Variants in GALNT13 observed in about 807,000 individuals in gnomAD.
GALNT13 encodes the protein polypeptide N-acetylgalactosaminyltransferase 13.
In GALNT13, 28 loss-of-function variants were observed where a neutral mutation model predicts 64.2. The ratio of observed to expected loss-of-function variants is 0.44; its 90% CI spans 0.32 to 0.60. The LOEUF (loss-of-function observed/expected upper bound fraction) is 0.60. Among genes scored for constraint, GALNT13 ranks in the 20% least tolerant of loss-of-function variants. The probability of loss-of-function intolerance (pLI) is 0.05; values close to 1 mark genes in which losing one functional copy is unlikely to be tolerated. For synonymous variants in GALNT13, 214 were observed against 224.6 expected (o/e 0.95, Z 0.42); for missense variants, 577 against 669.8 (o/e 0.86, Z 1.53).
chr2:153,138,321 A>T, the GALNT13 span, among the ~76,000 whole-genome samples: 4 of 151,996 alleles, frequency 2.6e-5, no homozygotes, highest in African/African-American at 9.7e-5. Context: ...CTGATTTAAA[A>T]CTTCACTTTA....
At chr2:154,047,985 G>T (rs1699372760) in intron 3 of GALNT13, among the ~76,000 whole-genome samples, 1 of 152,144 alleles carries the variant, frequency 6.6e-6, no homozygotes, top group Non-Finnish European at 1.5e-5. Context: ...GCTAGAGGCT[G>T]GGTAATTTAT....
At chr2:154,280,608 C>T (rs1691911981) in intron 8 of GALNT13, among the ~76,000 whole-genome samples, 1 of 152,170 alleles carries the variant, frequency 6.6e-6, no homozygotes, top group African/African-American at 2.4e-5. Context: ...TTCTGAGCTA[C>T]CAGGTTTTCT....
chr2:153,182,169 A>T, the GALNT13 span, among the ~76,000 whole-genome samples: 45 of 151,746 alleles, frequency 3.0e-4, no homozygotes, highest in Admixed American at 1.9e-3. Flanking sequence ...TCAGCCTCCC[A>T]AGTAGCTGGG....
the GALNT13 span, among the ~76,000 whole-genome samples, chr2:153,587,475 G>T: frequency 6.6e-6 from 1 of 152,116 alleles, no homozygotes; most frequent in African/African-American, 2.4e-5. Context: ...ATGGCAGAAG[G>T]CAAAGAGGAG....
chr2:154,162,575 G>A (rs143556985), intron 4 of GALNT13, among the ~76,000 whole-genome samples: 63 of 152,278 alleles, frequency 4.1e-4, no homozygotes, highest in African/African-American at 1.4e-3. Context: ...TATTCATTTC[G>A]AATGAGATGG....
At chr2:153,971,027 A>G (rs1693701380) in intron 3 of GALNT13, among the ~76,000 whole-genome samples, 1 of 152,068 alleles carries the variant, frequency 6.6e-6, no homozygotes, top group Non-Finnish European at 1.5e-5. Flanking sequence ...AGGTCTTGGT[A>G]TTCTCCCCTT....
intron 1 of GALNT13, among the ~76,000 whole-genome samples, chr2:153,874,463 A>G (rs1172063935): frequency 6.6e-6 from 1 of 152,064 alleles, no homozygotes; most frequent in Non-Finnish European, 1.5e-5. Flanking sequence ...AAGAATAGAA[A>G]GCTTTTCTAA....
At chr2:153,481,208 T>C in the GALNT13 span, among the ~76,000 whole-genome samples, 16 of 152,200 alleles carry the variant, frequency 1.1e-4, no homozygotes, top group Admixed American at 1.0e-3. Context: ...TTTAATAAAA[T>C]TACTTAGAAC....
intron 3 of GALNT13, among the ~76,000 whole-genome samples, chr2:153,972,652 G>A (rs1003245792): frequency 2.0e-5 from 3 of 151,828 alleles, no homozygotes; most frequent in Admixed American, 2.0e-4. Context: ...TCTATATTAG[G>A]TACTTGCTGT....
chr2:154,341,805 G>T (rs956749780), intron 9 of GALNT13, among the ~76,000 whole-genome samples: 1 of 152,026 alleles, frequency 6.6e-6, no homozygotes, highest in African/African-American at 2.4e-5. Flanking sequence ...ATAGCTGAGG[G>T]TATAACATCA....
intron 9 of GALNT13, among the ~76,000 whole-genome samples, chr2:154,321,633 A>C (rs746202427): frequency 7.9e-5 from 12 of 152,124 alleles, no homozygotes; most frequent in Non-Finnish European, 1.3e-4. Flanking sequence ...CACAGAGAAC[A>C]TTTGTGAGTA....
chr2:153,236,854 T>C, the GALNT13 span, among the ~76,000 whole-genome samples: 3 of 152,078 alleles, frequency 2.0e-5, no homozygotes, highest in African/African-American at 7.2e-5. Flanking sequence ...TTCATAAGGC[T>C]ATAGGTATAA....
chr2:153,749,879 T>C, the GALNT13 span, among the ~76,000 whole-genome samples: 1 of 151,924 alleles, frequency 6.6e-6, no homozygotes, highest in African/African-American at 2.4e-5. Context: ...ATAAGAATGG[T>C]GAAAATGTGC....
intron 3 of GALNT13, among the ~76,000 whole-genome samples, chr2:154,083,548 G>A (rs1422204855): frequency 7.6e-6 from 1 of 130,932 alleles, no homozygotes; most frequent in Non-Finnish European, 1.8e-5. Context: ...CCATGAGCAT[G>A]GAATGTTTTT....
chr2:153,261,561 T>A, the GALNT13 span, among the ~76,000 whole-genome samples: 1 of 152,184 alleles, frequency 6.6e-6, no homozygotes, highest in Admixed American at 6.5e-5. Context: ...CTGAAATGCC[T>A]GGATCTGGGG....
chr2:153,601,700 A>T, the GALNT13 span, among the ~76,000 whole-genome samples: 2 of 151,828 alleles, frequency 1.3e-5, no homozygotes, highest in Non-Finnish European at 2.9e-5. Context: ...TTTGATACAC[A>T]GCAACAAATG....
At chr2:154,129,811 G>A (rs1230559661) in intron 3 of GALNT13, among the ~76,000 whole-genome samples, 2 of 151,982 alleles carry the variant, frequency 1.3e-5, no homozygotes, top group African/African-American at 2.4e-5. Flanking sequence ...GGCCTGTTGC[G>A]AGAGGACTGT....
At chr2:153,826,446 A>C in the GALNT13 span, among the ~76,000 whole-genome samples, 1 of 152,182 alleles carries the variant, frequency 6.6e-6, no homozygotes, top group Non-Finnish European at 1.5e-5. Flanking sequence ...TGAGTTTTGG[A>C]GAGGACAAAC....
At chr2:153,209,595 T>G in the GALNT13 span, among the ~76,000 whole-genome samples, 3 of 152,300 alleles carry the variant, frequency 2.0e-5, no homozygotes, top group Admixed American at 1.3e-4. Context: ...TCAGGTAAAA[T>G]TTGAGTCCTC....
Sources: allele counts gnomAD v4.1 joint callset (sites outside exome capture counted in the v4.1 genomes callset), GRCh38; gene constraint gnomAD v4.1.1; transcripts MANE v1.5; gene names NCBI Gene and HGNC (gene_info 2026-07-23, HGNC 2026-07-21).